The following CCDC187 variants were observed in gnomAD, a reference collection of about 807,000 sequenced individuals.
CCDC187 encodes the protein coiled-coil domain-containing protein 187.
Under a neutral mutation model 38.0 loss-of-function variants are expected in CCDC187, and 32 were observed. The ratio of observed to expected loss-of-function variants is 0.84; its 90% CI spans 0.64 to 1.13. The LOEUF (loss-of-function observed/expected upper bound fraction) is 1.13, where lower values mean the gene tolerates loss of function less well. Ranked by LOEUF, CCDC187 falls within the 50% of genes most tolerant of loss-of-function variation. The pLI is 0.00. For synonymous variants in CCDC187, 333 were observed against 347.9 expected (o/e 0.96, Z 0.48); for missense variants, 707 against 786.8 (o/e 0.90, Z 1.21).
At chr9:136,267,611 T>G in intron 15 of CCDC187, 100 bp from the exon 16 acceptor site, 6 of 985,598 alleles carry the variant, frequency 6.1e-6, no homozygotes, top group Non-Finnish European at 7.2e-6. Flanking sequence ...GCCTAGCTTC[T>G]AGACCGCTCC....
rs1249940052 is a variant in CCDC187 at position 136,253,415 on chromosome 9, G to A, written c.*179C>T. On this transcript the variant is annotated 3_prime_UTR_variant, in exon 26 of 26. Coordinates refer to ENST00000638797, the MANE Select transcript of CCDC187 (RefSeq NM_001378188.1). ...TCTGGATGGAGCTGGGGGCTGCACTGATGGCCCTGGGAGCCCTCCAGGGGC... is the reference window on the plus strand; with the variant it reads ...TCTGGATGGAGCTGGGGGCTGCACTAATGGCCCTGGGAGCCCTCCAGGGGC... The A allele has an allele frequency of 1.2e-5, 2 of 172,396 alleles. No homozygotes were observed. The highest frequency in any genetic ancestry group is 2.3e-5 in the Non-Finnish European group (2 of 86,566). 10.7% of individuals were successfully genotyped at this position (172,396 alleles called of 1,614,324 possible).
At chr9:136,303,318 G>T (rs967713869) in intron 1 of CCDC187, 25 bp from the exon 2 acceptor site, 8 of 396,836 alleles carry the variant, frequency 2.0e-5, no homozygotes, top group Non-Finnish European at 3.1e-5. Context: ...CAGACATGCC[G>T]GTCAGACATG....
intron 17 of CCDC187, chr9:136,265,564 T>A (rs1171999608): frequency 6.6e-6 from 1 of 152,266 alleles, no homozygotes; most frequent in Non-Finnish European, 1.5e-5. Context: ...CCCAACCCCC[T>A]GCTTTACAGA....
chr9:136,294,507 C>T (rs1269636802), intron 4 of CCDC187, among the ~76,000 whole-genome samples: 1 of 152,210 alleles, frequency 6.6e-6, no homozygotes, highest in Non-Finnish European at 1.5e-5. Flanking sequence ...TGGCCCTGGC[C>T]CCCATGAAGG....
intron 4 of CCDC187, among the ~76,000 whole-genome samples, chr9:136,293,464 C>CACTCACAT (rs1831426659): frequency 2.9e-4 from 11 of 37,570 alleles, no homozygotes; most frequent in Non-Finnish European, 6.2e-4. Flanking sequence ...CACACTCACA[C>CACTCACAT]TCACATGCTC....
At position 136,254,203 on chromosome 9, in the gene CCDC187, C is replaced by T. The variant is rs375830324; in HGVS notation, c.5625G>A (p.Pro1875=). 2.0e-4 allele frequency: 193 copies of T among 985,484 alleles called. No homozygotes were observed. In the South Asian group the frequency reaches 5.9e-3, roughly 30 times the overall value. The allele number at this position is 985,484 out of a possible 1,614,324, so 61.0% of individuals were successfully genotyped here. The change falls in exon 26 of 26, where the codon CCG becomes CCA. Residue 1875 remains proline (P), a synonymous_variant. Transcript: ENST00000638797. The part of the protein sequence containing the change: ...APPEAAGVVF[P]LQISSAGDSD... ...AGTCACCGGCAGAAGAGATTTGCAG[C>T]GGGAACACCACACCGGCGGCCTCAG...
rs1830559939 is a variant in CCDC187, at chr9:136,252,458, C to T, written c.*1136G>A. On this transcript the variant is annotated 3_prime_UTR_variant, in exon 26 of 26. Transcript: ENST00000638797. The stretch of plus-strand genomic sequence containing the variant: ...GGGGAAGGTCCAGGCAACCGTCCCG[C>T]ACAGCCGGCCGCCCACCCGGTCCAC... 5.6e-6 allele frequency: 1 copy of T among 179,564 alleles called. No homozygotes were observed. Among genetic ancestry groups the T allele is most frequent in the African/African-American group, 2.7e-5 (1 of 36,574 alleles). The allele number at this position is 179,564 out of a possible 1,614,324, so 11.1% of individuals were successfully genotyped here. A position where few individuals can be genotyped will look rare whatever the true frequency, so the allele number is the denominator to read the frequency against.
intron 16 of CCDC187, chr9:136,267,080 ACT>A (rs1554761734): frequency 1.3e-5 from 2 of 154,016 alleles, no homozygotes; most frequent in East Asian, 1.9e-4. Flanking sequence ...CAAGAGCGAA[ACT>A]CTGTCTCAAA....
chr9:136,281,600 C>G lies in CCDC187; in HGVS notation c.2991G>C (p.Pro997=), dbSNP rs1324866219. The G allele has an allele frequency of 2.5e-6, 1 of 398,524 alleles. No homozygotes were observed. Among genetic ancestry groups the G allele is most frequent in the Non-Finnish European group, 4.4e-6 (1 of 226,114 alleles). The allele number at this position is 398,524 out of a possible 1,614,324, so 24.7% of individuals were successfully genotyped here. Residue 997 remains proline, a synonymous_variant, in exon 10 of 26, where the codon CCG becomes CCC. Coordinates refer to ENST00000638797, the MANE Select transcript of CCDC187 (RefSeq NM_001378188.1). The part of the protein sequence containing the change: ...IWGSLGLEET[P]SVGGADSVAP... ...CCACAGAATCTGCCCCTCCGACCGA[C>G]GGCGTCTCCTCCAGTCCCAGGGAGC...
At position 136,303,286 on chromosome 9, in the gene CCDC187, C is replaced by T. The variant is rs1442398570; in HGVS notation, c.151G>A (p.Ala51Thr). 4.8e-5 allele frequency: 19 copies of T among 397,674 alleles called. No homozygotes were observed. Among genetic ancestry groups the T allele is most frequent in the Admixed American group, 3.5e-4 (8 of 22,740 alleles). The allele number at this position is 397,674 out of a possible 1,614,324, so 24.6% of individuals were successfully genotyped here. A position where few individuals can be genotyped will look rare whatever the true frequency, so the allele number is the denominator to read the frequency against. The change falls in exon 2 of 26, where the codon GCA becomes ACA. Residue 51 changes from alanine to threonine, a missense_variant. Physicochemically the swap from Ala to Thr is moderately conservative, Grantham distance 58. Transcript: ENST00000638797. ...WKAVAKPRLCAPAAEDDVAAL... is the reference protein window; with the variant it reads ...WKAVAKPRLCTPAAEDDVAAL... ...GCCACGTCATCCTCAGCTGCAGGTGCGCAGAGCCTGGGAGGGAACGGCAGA... is the reference window on the plus strand; with the variant it reads ...GCCACGTCATCCTCAGCTGCAGGTGTGCAGAGCCTGGGAGGGAACGGCAGA...
At chr9:136,255,358 C>A (rs113250068) in intron 25 of CCDC187, among the ~76,000 whole-genome samples, 2,749 of 152,228 alleles carry the variant, frequency 0.018, 42 homozygotes, top group African/African-American at 0.03. Flanking sequence ...CCTTGCCGAG[C>A]CTCGGGCACC....
chr9:136,293,503 TCA>T (rs1426807420), intron 4 of CCDC187, among the ~76,000 whole-genome samples: 1 of 117,590 alleles, frequency 8.5e-6, no homozygotes, highest in Non-Finnish European at 1.7e-5. Context: ...GCTCACACAC[TCA>T]CAAACACACA....
At chr9:136,279,036 T>C (rs1830988789) in intron 10 of CCDC187, among the ~76,000 whole-genome samples, 1 of 152,228 alleles carries the variant, frequency 6.6e-6, no homozygotes, top group Non-Finnish European at 1.5e-5. Flanking sequence ...ACAGTTCTGG[T>C]CTAGGTGTTT....
chr9:136,295,234 C>T, intron 4 of CCDC187, among the ~76,000 whole-genome samples: 1 of 152,334 alleles, frequency 6.6e-6, no homozygotes, highest in Non-Finnish European at 1.5e-5. Context: ...AGCTGCTCTC[C>T]CTCGCTGGGT....
intron 10 of CCDC187, 143 bp downstream of exon 10, chr9:136,281,408 A>T (rs1831037648): frequency 7.5e-6 from 3 of 398,260 alleles, no homozygotes; most frequent in Non-Finnish European, 1.3e-5. Context: ...TTTAATAACG[A>T]GGCGTGGATG....
At chr9:136,271,597 A>C (rs1220864933) in intron 14 of CCDC187, among the ~76,000 whole-genome samples, 1 of 151,466 alleles carries the variant, frequency 6.6e-6, no homozygotes, top group Non-Finnish European at 1.5e-5. Context: ...CCAGTAACAA[A>C]GAGAAAGTCT....
chr9:136,253,480 G>T lies in CCDC187; in HGVS notation c.*114C>A. The T allele has an allele frequency of 2.0e-6, 1 of 503,240 alleles. No individual in the cohort carries two copies. The highest frequency in any genetic ancestry group is 2.6e-6 in the Non-Finnish European group (1 of 389,112). The allele number at this position is 503,240 out of a possible 1,614,324, so 31.2% of individuals were successfully genotyped here. A position where few individuals can be genotyped will look rare whatever the true frequency, so the allele number is the denominator to read the frequency against. ...CACACGACGAGTGCCCTGGCCAGCTGACAGGTTCAGGCCACTGGCTGCCTC... is the reference window on the plus strand; with the variant it reads ...CACACGACGAGTGCCCTGGCCAGCTTACAGGTTCAGGCCACTGGCTGCCTC... On this transcript the variant is annotated 3_prime_UTR_variant, in exon 26 of 26. Coordinates refer to ENST00000638797, the MANE Select transcript of CCDC187 (RefSeq NM_001378188.1).
At position 136,260,202 on chromosome 9, in the gene CCDC187, T is replaced by A; in HGVS notation, c.4127A>T (p.Gln1376Leu). 1.0e-6 allele frequency: 1 copy of A among 985,496 alleles called. No individual in the cohort carries two copies. Among genetic ancestry groups the A allele is most frequent in the Non-Finnish European group, 1.2e-6 (1 of 830,132 alleles). The allele number at this position is 985,496 out of a possible 1,614,324, so 61.0% of individuals were successfully genotyped here. A position where few individuals can be genotyped will look rare whatever the true frequency, so the allele number is the denominator to read the frequency against. Residue 1376 changes from glutamine to leucine, a missense_variant, in exon 20 of 26, where the codon CAG (glutamine) becomes CTG (leucine). By Grantham distance (113) the Gln-to-Leu change is moderately radical. Coordinates refer to ENST00000638797, the MANE Select transcript of CCDC187 (RefSeq NM_001378188.1). ...PQTTSDADGHQQPPRPAWGED... is the reference protein window; with the variant it reads ...PQTTSDADGHLQPPRPAWGED... ...GCCCCATGCTGGCCTCGGAGGCTGCTGGTGACCATCTGCATCGGAGGTTGT... is the reference window on the plus strand; with the variant it reads ...GCCCCATGCTGGCCTCGGAGGCTGCAGGTGACCATCTGCATCGGAGGTTGT...
At chr9:136,274,061 G>A (rs76193299) in intron 14 of CCDC187, among the ~76,000 whole-genome samples, 16,382 of 152,240 alleles carry the variant, frequency 0.11, 1,204 homozygotes, top group Admixed American at 0.19. Flanking sequence ...TTCCCACCAG[G>A]GAAAGCCGCT....
Sources: allele counts gnomAD v4.1 joint callset (sites outside exome capture counted in the v4.1 genomes callset), GRCh38; gene constraint gnomAD v4.1.1; transcripts MANE v1.5; gene names NCBI Gene and HGNC (gene_info 2026-07-23, HGNC 2026-07-21).